The following MED13 variants were observed in gnomAD, a reference collection of about 807,000 sequenced individuals.
MED13 encodes the protein mediator of RNA polymerase II transcription subunit 13.
MED13 carries 23 observed loss-of-function variants against 225.2 expected under a neutral mutation model. The ratio of observed to expected loss-of-function variants is 0.10; its 90% CI spans 0.07 to 0.14. The LOEUF is 0.14. Among genes scored for constraint, MED13 ranks in the 10% least tolerant of loss-of-function variants. The pLI is 1.00. For synonymous variants in MED13, 942 were observed against 889.2 expected (o/e 1.06, Z -1.06); for missense variants, 2,197 against 2,594.5 (o/e 0.85, Z 3.33).
At chr17:61,990,627 G>GTGTATATATATATATATATATATATA (rs906431943) in intron 11 of MED13, among the ~76,000 whole-genome samples, 1 of 139,004 alleles carries the variant, frequency 7.2e-6, no homozygotes, top group African/African-American at 2.8e-5. Context: ...GGCGCACTGT[G>GTGTATATATATATATATATATATATA]TATATATATA....
intron 2 of MED13, among the ~76,000 whole-genome samples, chr17:62,062,596 CA>C (rs1474814270): frequency 3.4e-4 from 20 of 58,802 alleles, no homozygotes; most frequent in Non-Finnish European, 4.8e-4. Context: ...CACACACACA[CA>C]CACCACACAC....
intron 27 of MED13, among the ~76,000 whole-genome samples, chr17:61,952,128 C>T (rs1383188179): frequency 2.0e-5 from 3 of 151,980 alleles, no homozygotes; most frequent in East Asian, 3.9e-4. Flanking sequence ...CTCCTGACCT[C>T]GTGATCCGCC....
intron 23 of MED13, among the ~76,000 whole-genome samples, chr17:61,959,714 T>C (rs1057460793): frequency 4.0e-5 from 6 of 149,184 alleles, no homozygotes; most frequent in Admixed American, 6.7e-5. Flanking sequence ...AAATAAACGA[T>C]AGAACCCAAA....
intron 2 of MED13, among the ~76,000 whole-genome samples, chr17:62,053,499 A>T (rs1467381884): frequency 6.6e-6 from 1 of 152,216 alleles, no homozygotes; most frequent in African/African-American, 2.4e-5. Context: ...GATGTAGGTC[A>T]GAAAAATTTT....
chr17:61,992,421 C>T, intron 11 of MED13, 119 bp downstream of exon 11: 1 of 580,564 alleles, frequency 1.7e-6, no homozygotes, highest in Non-Finnish European at 3.0e-6. Flanking sequence ...AAGAAAGATT[C>T]CTTTCTATGA....
Position 61,946,425 on chromosome 17 carries a change from AT to A in MED13, c.*42del, listed in dbSNP as rs761784078. ...AACTTAATCCTGCAGCGAAACATCC[AT>A]TTTTCCTTGTTCTTTTCTTGCACAG... On this transcript the variant is annotated 3_prime_UTR_variant, in exon 30 of 30. Transcript: ENST00000397786. 692 of 1,597,160 alleles carry A rather than the reference AT, an allele frequency of 4.3e-4. 10 individuals are homozygous for A. The highest frequency in any genetic ancestry group is 3.7e-3 in the South Asian group (334 of 90,252).
rs144106123 is a variant in MED13 at position 62,053,197 on chromosome 17, T to C, written c.302-492A>G. ...TCCACGACTCCACTACAACACTAAG[T>C]GATGAATAAAAAGGAAGCTGTTGGC... On this transcript the variant is annotated intron_variant, in intron 2 of 29. Coordinates refer to ENST00000397786, the MANE Select transcript of MED13 (RefSeq NM_005121.3). Among the ~76,000 whole-genome samples the C allele has an allele frequency of 4.6e-3, 700 of 152,284 alleles. 2 individuals are homozygous for C. Among genetic ancestry groups the C allele is most frequent in the Middle Eastern group, 0.014 (4 of 294 alleles).
chr17:61,982,901 G>C lies in MED13; in HGVS notation c.3102C>G (p.Val1034=), dbSNP rs1396011989. The C allele has an allele frequency of 1.2e-6, 2 of 1,614,144 alleles. No homozygotes were observed. Among genetic ancestry groups the C allele is most frequent in the South Asian group, 2.2e-5 (2 of 91,058 alleles). ...AATACAAGTCTGAATTTTCATATTT[G>C]ACTGAACCTTGAGCACTAGCAGGTC... ...AGGPASAQGS[V]KYENSDLYSP... The change falls in exon 16 of 30, where the codon GTC becomes GTG. Residue 1034 remains valine (V), a synonymous_variant. Coordinates refer to ENST00000397786, the MANE Select transcript of MED13 (RefSeq NM_005121.3).
At chr17:61,961,137 G>T (rs1436946728) in intron 22 of MED13, 47 bp from the exon 23 acceptor site, 3 of 1,379,592 alleles carry the variant, frequency 2.2e-6, no homozygotes, top group East Asian at 4.9e-5. Flanking sequence ...CAATCTTAGA[G>T]AAATATTGCA....
intron 23 of MED13, among the ~76,000 whole-genome samples, chr17:61,957,890 A>G (rs567276544): frequency 7.9e-5 from 12 of 152,154 alleles, no homozygotes; most frequent in Middle Eastern, 3.4e-3. Flanking sequence ...TTTGAGACGG[A>G]GTCTCACTCT....
At chr17:61,992,666 A>G in intron 10 of MED13, 45 bp from the exon 11 acceptor site, 2 of 1,374,710 alleles carry the variant, frequency 1.5e-6, no homozygotes, top group Non-Finnish European at 2.1e-6. Context: ...ATAATTTACC[A>G]ACAATAAAAT....
Position 61,946,901 on chromosome 17 carries a change from G to A in MED13, c.6392+16C>T, listed in dbSNP as rs1183807796. On this transcript the variant is annotated intron_variant, in intron 29 of 29. Coordinates refer to ENST00000397786, the MANE Select transcript of MED13 (RefSeq NM_005121.3). ...AAAGTTGCAGTGACAAACTGTTAAT[G>A]GTAAAAGAGTTGTACCTGAGGACAT... 1.9e-6 allele frequency: 3 copies of A among 1,576,434 alleles called. No individual in the cohort carries two copies. The highest frequency in any genetic ancestry group is 1.7e-5 in the Admixed American group (1 of 59,462).
chr17:62,052,495 C>A lies in MED13; in HGVS notation c.470+42G>T, dbSNP rs766061117. 6 of 1,437,172 alleles carry A rather than the reference C, an allele frequency of 4.2e-6. No individual in the cohort carries two copies. In the East Asian group the frequency reaches 1.2e-4, roughly 28 times the overall value. The allele number at this position is 1,437,172 out of a possible 1,614,324, so 89.0% of individuals were successfully genotyped here. A position where few individuals can be genotyped will look rare whatever the true frequency, so the allele number is the denominator to read the frequency against. ...TTCTCTGTTAAGACACAAAAAGGAA[C>A]AAATCTAAAGAAATATCACGTCAGA... On this transcript the variant is annotated intron_variant, in intron 3 of 29. Coordinates refer to ENST00000397786, the MANE Select transcript of MED13 (RefSeq NM_005121.3).
chr17:61,968,392 C>A lies in MED13; in HGVS notation c.3968-134G>T, dbSNP rs547862407. 16 of 592,526 alleles carry A rather than the reference C, an allele frequency of 2.7e-5. 1 individual carries two copies. The South Asian group carries it at 5.2e-4, about 19-fold the overall frequency. 36.7% of individuals were successfully genotyped at this position (592,526 alleles called of 1,614,324 possible). On this transcript the variant is annotated intron_variant, in intron 17 of 29. Transcript: ENST00000397786. The stretch of plus-strand genomic sequence containing the variant: ...CCAGACTGGAGTGCAGTGGCGCCAT[C>A]TCGGCTCACTGCAAGCTCCGCCTCC...
intron 23 of MED13, among the ~76,000 whole-genome samples, chr17:61,957,619 A>AT (rs2079958962): frequency 1.3e-5 from 2 of 151,982 alleles, no homozygotes; most frequent in African/African-American, 4.8e-5. Flanking sequence ...AAGTGCTAGG[A>AT]TTACAGGCGT....
chr17:62,064,116 C>T (rs2081062860), intron 1 of MED13, among the ~76,000 whole-genome samples: 1 of 152,228 alleles, frequency 6.6e-6, no homozygotes, highest in African/African-American at 2.4e-5. Flanking sequence ...TGGCAGTTTA[C>T]ACTTGCCAAC....
chr17:61,953,237 G>T, intron 26 of MED13, 124 bp from the exon 27 acceptor site: 1 of 924,434 alleles, frequency 1.1e-6, no homozygotes, highest in Non-Finnish European at 1.6e-6. Flanking sequence ...CATTTACTGA[G>T]TGTCTACCAT....
chr17:62,011,528 A>T (rs1302152698), intron 8 of MED13, among the ~76,000 whole-genome samples: 1 of 152,178 alleles, frequency 6.6e-6, no homozygotes, highest in African/African-American at 2.4e-5. Context: ...TATCTAATTT[A>T]AATATAGAGG....
intron 24 of MED13, 112 bp from the exon 25 acceptor site, chr17:61,955,950 CT>C: frequency 7.4e-7 from 1 of 1,360,300 alleles, no homozygotes; most frequent in Non-Finnish European, 9.5e-7. Flanking sequence ...TAGTTAATGG[CT>C]TTTAAATTAG....
Sources: gnomAD v4.1 joint callset for allele counts (sites outside exome capture counted in the v4.1 genomes callset) on GRCh38, gnomAD v4.1.1 for gene constraint, MANE v1.5 for transcripts, NCBI Gene and HGNC (gene_info 2026-07-23, HGNC 2026-07-21) for gene names.